The following ELF4 variants were observed in gnomAD, a reference collection of about 807,000 sequenced individuals.
ELF4 encodes the protein ETS-related transcription factor Elf-4.
ELF4 carries 10 observed loss-of-function variants against 31.7 expected under a neutral mutation model. The ratio of observed to expected loss-of-function variants is 0.32; its 90% confidence interval spans 0.19 to 0.54. The LOEUF (loss-of-function observed/expected upper bound fraction) is 0.54. ELF4 is among the 20% of genes least tolerant of loss of function. The pLI is 0.95. For missense variants in ELF4, 418 were observed against 522.0 expected (o/e 0.80, Z 1.94); for synonymous variants, 208 against 226.7 (o/e 0.92, Z 0.74).
chrX:130,098,618 C>T (rs945597480), intron 1 of ELF4, among the ~76,000 whole-genome samples: 1 of 111,656 alleles, frequency 9.0e-6, no homozygotes, highest in African/African-American at 3.3e-5. Context: ...GGGATCTATG[C>T]ACCCACCCAA....
At chrX:130,081,936 TG>T (rs1813038438) in intron 1 of ELF4, among the ~76,000 whole-genome samples, 1 of 112,001 alleles carries the variant, frequency 8.9e-6, no homozygotes, top group Admixed American at 9.4e-5. Flanking sequence ...TCAGGGCGCC[TG>T]GCCTGGCCTC....
chrX:130,096,774 T>C (rs1416572741), intron 1 of ELF4, among the ~76,000 whole-genome samples: 2 of 110,630 alleles, frequency 1.8e-5, no homozygotes, highest in Non-Finnish European at 3.8e-5. Flanking sequence ...AAGTACAGGG[T>C]CACTGAGTAT....
chrX:130,097,114 T>C (rs1379384906), intron 1 of ELF4, among the ~76,000 whole-genome samples: 2 of 92,844 alleles, frequency 2.2e-5, no homozygotes, highest in East Asian at 6.6e-4. Flanking sequence ...CTAGACAACA[T>C]GATGAAATCC....
intron 1 of ELF4, among the ~76,000 whole-genome samples, chrX:130,098,693 G>A (rs781621053): frequency 3.0e-4 from 34 of 112,345 alleles, no homozygotes; most frequent in Admixed American, 9.4e-4. Context: ...GGACAGAAGG[G>A]CCTAGATTTT....
Position 130,081,289 on chromosome X carries a change from G to A in ELF4, c.42C>T (p.Phe14=), listed in dbSNP as rs749063884. ...TLQPSDLIFE[F]ASNGMDDDIH... ...TATCATCATCCATCCCGTTGCTTGC[G>A]AACTCAAAGATCAGGTCACTGGGCT... The change falls in exon 2 of 9, where the codon TTC becomes TTT. Residue 14 remains phenylalanine, a synonymous_variant. Transcript: ENST00000308167. The A allele has an allele frequency of 1.7e-6, 2 of 1,212,056 alleles. No homozygotes were observed. Among genetic ancestry groups the A allele is most frequent in the East Asian group, 3.0e-5 (1 of 33,872 alleles).
At chrX:130,089,508 T>C (rs1382229674) in intron 1 of ELF4, among the ~76,000 whole-genome samples, 1 of 1,108 alleles carries the variant, frequency 9.0e-4, no homozygotes, top group Non-Finnish European at 1.5e-3. Context: ...AGACCTCAGC[T>C]CAAAAAAAAA....
In ELF4 at chrX:130,065,743, G is replaced by C. The variant is rs1202504663; in HGVS notation, c.*978C>G. 2 of 174,617 alleles carry C rather than the reference G, an allele frequency of 1.1e-5. No homozygotes were observed. Among genetic ancestry groups the C allele is most frequent in the Non-Finnish European group, 2.2e-5 (2 of 91,523 alleles). 14.4% of individuals were successfully genotyped at this position (174,617 alleles called of 1,213,427 possible). On this transcript the variant is annotated 3_prime_UTR_variant, in exon 9 of 9. Transcript: ENST00000308167. ...AAGGCTATTGTCTGGCGGGGGGCCG[G>C]TATCACACAAACAGCCCAAGCCCTA...
chrX:130,095,333 T>C (rs1247163606), intron 1 of ELF4, among the ~76,000 whole-genome samples: 1 of 112,570 alleles, frequency 8.9e-6, no homozygotes, highest in Admixed American at 9.4e-5. Flanking sequence ...AATAGTTTCA[T>C]TTGAAAAACA....
At chrX:130,079,936 G>A (rs1932871362) in intron 2 of ELF4, among the ~76,000 whole-genome samples, 1 of 111,947 alleles carries the variant, frequency 8.9e-6, no homozygotes, top group Non-Finnish European at 1.9e-5. Flanking sequence ...GCTGCTTTAA[G>A]GCAAGGAGGT....
chrX:130,069,156 G>A (rs1264511799), intron 8 of ELF4, 144 bp downstream of exon 8: 20 of 809,477 alleles, frequency 2.5e-5, no homozygotes, highest in Middle Eastern at 4.4e-4. Context: ...TCCGAGAGGC[G>A]GAAGTTGCAG....
At chrX:130,104,911 C>G (rs748986604) in intron 1 of ELF4, among the ~76,000 whole-genome samples, 24 of 110,956 alleles carry the variant, frequency 2.2e-4, no homozygotes, top group South Asian at 1.1e-3. Flanking sequence ...GTAATCCCAG[C>G]ACTTTGGGAG....
chrX:130,071,400 G>A lies in ELF4; in HGVS notation c.552C>T (p.Asn184=), dbSNP rs916548148. The A allele has an allele frequency of 8.3e-7, 1 of 1,211,712 alleles. No homozygotes were observed. Among genetic ancestry groups the A allele is most frequent in the Non-Finnish European group, 1.1e-6 (1 of 895,491 alleles). ...SKKRIRKTKG[N]RSTSPVTDPS... ...GGTCAGTGACAGGTGAGGTACTTCG[G>A]TTGCCCTTGGTCTTCCGGACTATGA... The change falls in exon 6 of 9, where the codon AAC becomes AAT. Residue 184 remains asparagine, a synonymous_variant. Coordinates refer to ENST00000308167, the MANE Select transcript of ELF4 (RefSeq NM_001421.4).
chrX:130,066,824 C>G lies in ELF4; in HGVS notation c.1889G>C (p.Ser630Thr). 1 of 1,209,496 alleles carries G rather than the reference C, an allele frequency of 8.3e-7. No homozygotes were observed. The highest frequency in any genetic ancestry group is 1.1e-6 in the Non-Finnish European group (1 of 893,996). Reference sequence around the variant, plus strand: ...CAGAAGGCTCCCAGATGTGGTCACACTAGGCTCAGCCATCAGCAGGGACCC... The same window carrying G: ...CAGAAGGCTCCCAGATGTGGTCACAGTAGGCTCAGCCATCAGCAGGGACCC... Reference protein sequence around the residue: ...GSGSLLMAEPSVTTSGSLLTR... With the variant: ...GSGSLLMAEPTVTTSGSLLTR... Residue 630 changes from serine (S) to threonine (T), a missense_variant, in exon 9 of 9, where the codon AGT (serine) becomes ACT (threonine). This residue lies in a region of ELF4 where 260 missense variants were observed against 269.2 expected (regional missense o/e 0.97). Transcript: ENST00000308167.
At chrX:130,102,884 G>GAGAAAGAAAGAA (rs1174320321) in intron 1 of ELF4, among the ~76,000 whole-genome samples, 5 of 43,744 alleles carry the variant, frequency 1.1e-4, no homozygotes, top group Admixed American at 2.9e-4. Context: ...GAGAGAGAGA[G>GAGAAAGAAAGAA]AGAAAGAAAG....
intron 1 of ELF4, among the ~76,000 whole-genome samples, chrX:130,088,772 G>A (rs1186737286): frequency 1.8e-5 from 2 of 111,928 alleles, no homozygotes; most frequent in Non-Finnish European, 3.8e-5. Flanking sequence ...TTAGAAGCTG[G>A]GATAATCTAT....
intron 1 of ELF4, among the ~76,000 whole-genome samples, chrX:130,101,519 G>A (rs1035911518): frequency 8.0e-5 from 9 of 111,993 alleles, no homozygotes; most frequent in Admixed American, 9.5e-5. Flanking sequence ...CAAGCCGGGC[G>A]CGGTGGCTCG....
At chrX:130,095,758 A>G (rs966132452) in intron 1 of ELF4, among the ~76,000 whole-genome samples, 11 of 112,174 alleles carry the variant, frequency 9.8e-5, no homozygotes, top group Non-Finnish European at 1.9e-4. Context: ...TGCTGTTTCC[A>G]GAGAGTTCCT....
intron 1 of ELF4, among the ~76,000 whole-genome samples, chrX:130,105,565 C>T (rs1478700001): frequency 8.9e-6 from 1 of 111,809 alleles, no homozygotes; most frequent in Non-Finnish European, 1.9e-5. Flanking sequence ...CATGTCCAGC[C>T]TTGGGAGACA....
intron 1 of ELF4, among the ~76,000 whole-genome samples, chrX:130,091,371 G>A (rs1933054651): frequency 9.0e-6 from 1 of 111,552 alleles, no homozygotes; most frequent in African/African-American, 3.3e-5. Context: ...GAGGTGCAGT[G>A]AGCCGACATC....
Sources: allele counts gnomAD v4.1 joint callset (sites outside exome capture counted in the v4.1 genomes callset), GRCh38; gene constraint gnomAD v4.1.1; regional missense constraint gnomAD v4.1.1; transcripts MANE v1.5; gene names NCBI Gene and HGNC (gene_info 2026-07-23, HGNC 2026-07-21).